Variants in TICRR observed in about 807,000 individuals in gnomAD.
TICRR encodes the protein TOPBP1 interacting checkpoint and replication regulator.
Under a neutral mutation model 178.1 loss-of-function variants are expected in TICRR, and 132 were observed. The ratio of observed to expected loss-of-function variants is 0.74; its 90% CI spans 0.64 to 0.86. The LOEUF (loss-of-function observed/expected upper bound fraction) is 0.86. Among genes scored for constraint, TICRR ranks in the 40% least tolerant of loss-of-function variants. The probability of loss-of-function intolerance (pLI) is 0.00; values close to 1 mark genes in which losing one functional copy is unlikely to be tolerated. For missense variants in TICRR, 2,587 were observed against 2,334.3 expected (o/e 1.11, Z -2.23); for synonymous variants, 991 against 900.7 (o/e 1.10, Z -1.79).
At chr15:89,587,961 G>A (rs1479260200) in intron 4 of TICRR, among the ~76,000 whole-genome samples, 3 of 152,168 alleles carry the variant, frequency 2.0e-5, no homozygotes. Flanking sequence ...ATTAATGCAG[G>A]GGATGGAGAG....
rs371174253 is a variant in TICRR at position 89,599,440 on chromosome 15, A to G, written c.2017A>G (p.Met673Val). 1 of 1,613,362 alleles carries G rather than the reference A, an allele frequency of 6.2e-7. No individual in the cohort carries two copies. Among genetic ancestry groups the G allele is most frequent in the Non-Finnish European group, 8.5e-7 (1 of 1,179,758 alleles). ...TCGAAACATGATCTCAACCGTTAAA[A>G]TGTTCCTAAAATCAAAAGGCACCAA... ...CARNMISTVK[M>V]FLKSKGTKEL... The change falls in exon 8 of 22, where the codon ATG (methionine) becomes GTG (valine). Residue 673 changes from methionine to valine, a missense_variant. By Grantham distance (21) the Met-to-Val change is conservative. Coordinates refer to ENST00000268138, the MANE Select transcript of TICRR (RefSeq NM_152259.4).
intron 4 of TICRR, among the ~76,000 whole-genome samples, chr15:89,588,642 G>C (rs1251477440): frequency 6.6e-6 from 1 of 152,134 alleles, no homozygotes; most frequent in Non-Finnish European, 1.5e-5. Context: ...GTGGTGACCA[G>C]GGGGAGAGAG....
intron 4 of TICRR, among the ~76,000 whole-genome samples, chr15:89,587,804 G>A (rs1245855401): frequency 6.6e-6 from 1 of 152,086 alleles, no homozygotes; most frequent in Non-Finnish European, 1.5e-5. Flanking sequence ...CAGCAAGTGT[G>A]GACAATTTTT....
chr15:89,591,885 G>A lies in TICRR; in HGVS notation c.1412-162G>A, dbSNP rs556110647. Reference sequence around the variant, plus strand: ...AGTAGCATTTTTTATTTACCACATAGGCCTGTAGCAGTTTGTGGTGCCGGA... The same window carrying A: ...AGTAGCATTTTTTATTTACCACATAAGCCTGTAGCAGTTTGTGGTGCCGGA... On this transcript the variant is annotated intron_variant, in intron 4 of 21. Coordinates refer to ENST00000268138, the MANE Select transcript of TICRR (RefSeq NM_152259.4). 6.7e-5 allele frequency: 34 copies of A among 510,890 alleles called. No individual in the cohort carries two copies. In the South Asian group the frequency reaches 1.0e-3, roughly 15 times the overall value. The allele number at this position is 510,890 out of a possible 1,614,324, so 31.6% of individuals were successfully genotyped here.
intron 1 of TICRR, among the ~76,000 whole-genome samples, chr15:89,578,431 A>G (rs1008162681): frequency 4.6e-5 from 7 of 152,210 alleles, no homozygotes; most frequent in African/African-American, 1.7e-4. Context: ...GATGGTAAAC[A>G]TTTGATGGGG....
rs1451794932 is a variant in TICRR at position 89,625,187 on chromosome 15, G to T, written c.4877G>T (p.Cys1626Phe). 1 of 1,613,056 alleles carries T rather than the reference G, an allele frequency of 6.2e-7. No homozygotes were observed. The highest frequency in any genetic ancestry group is 2.2e-5 in the East Asian group (1 of 44,854). ...KPEPTYVSPP[C>F]PRLSHSTPGK... ...GAACCCACCTATGTGTCACCCCCCT[G>T]CCCCCGCCTCTCCCACAGCACACCT... The change falls in exon 20 of 22, where the codon TGC becomes TTC. Residue 1626 changes from cysteine (C) to phenylalanine (F), a missense_variant. Coordinates refer to ENST00000268138, the MANE Select transcript of TICRR (RefSeq NM_152259.4).
intron 7 of TICRR, 35 bp downstream of exon 7, chr15:89,595,646 C>A: frequency 6.6e-7 from 1 of 1,511,910 alleles, no homozygotes; most frequent in South Asian, 1.2e-5. Flanking sequence ...CTCTTTTATA[C>A]CCCGCTTTTT....
At position 89,576,056 on chromosome 15, in the gene TICRR, T is replaced by C; in HGVS notation, c.470T>C (p.Leu157Pro). The C allele has an allele frequency of 6.2e-7, 1 of 1,611,666 alleles. No individual in the cohort carries two copies. The highest frequency in any genetic ancestry group is 1.1e-5 in the South Asian group (1 of 90,936). Residue 157 changes from leucine (L) to proline (P), a missense_variant, in exon 1 of 22, where the codon CTG becomes CCG. Physicochemically the swap from Leu to Pro is moderately conservative, Grantham distance 98. Coordinates refer to ENST00000268138, the MANE Select transcript of TICRR (RefSeq NM_152259.4). ...LGGLVNAVFL[L>P]APCPHSQREL... ...GGCTTGGTGAACGCCGTCTTCCTCC[T>C]GGCCCCCTGTCCGCACTCGCAGAGG...
Position 89,575,888 on chromosome 15 carries a change from A to G in TICRR, c.302A>G (p.His101Arg). ...PGPAPRATHT[H>R]GALMETLLDY... ...CCGGCGCCCAGGGCCACCCACACGC[A>G]CGGCGCCCTGATGGAGACGCTGCTA... Residue 101 changes from histidine to arginine, a missense_variant, in exon 1 of 22, where the codon CAC becomes CGC. Coordinates refer to ENST00000268138, the MANE Select transcript of TICRR (RefSeq NM_152259.4). The G allele has an allele frequency of 6.3e-7, 1 of 1,587,688 alleles. No homozygotes were observed. The highest frequency in any genetic ancestry group is 2.3e-5 in the East Asian group (1 of 43,592).
In TICRR at chr15:89,585,754, T is replaced by TGC. The variant is rs1215461481; in HGVS notation, c.1223_1224insGC (p.Ile409LeufsTer10). On this transcript the variant is annotated frameshift_variant, in exon 4 of 22. Transcript: ENST00000268138. LOFTEE classifies it high-confidence loss of function. ...GAAGGCCGGCCCCCCATCACTGGAG[T>TGC]TATTTCCCCACTCTCTGCCAGTGCT... The TGC allele has an allele frequency of 3.1e-6, 5 of 1,613,962 alleles. No homozygotes were observed. The highest frequency in any genetic ancestry group is 4.2e-6 in the Non-Finnish European group (5 of 1,180,016).
chr15:89,584,461 C>A lies in TICRR; in HGVS notation c.1110C>A (p.Ser370Arg). 21 of 1,610,688 alleles carry A rather than the reference C, an allele frequency of 1.3e-5. No homozygotes were observed. The highest frequency in any genetic ancestry group is 1.6e-5 in the Non-Finnish European group (19 of 1,178,262). Residue 370 changes from serine to arginine, a missense_variant, in exon 3 of 22, where the codon AGC (serine) becomes AGA (arginine). Coordinates refer to ENST00000268138, the MANE Select transcript of TICRR (RefSeq NM_152259.4). ...GGATGCTAGGAAGTCCAGAGGAGAG[C>A]ACAGCAACTCAAAGGCTGTTATTTC... ...DSWMLGSPEE[S>R]TATQRLLFQQ...
chr15:89,617,930 G>C (rs1963361910), intron 16 of TICRR: 1 of 534,210 alleles, frequency 1.9e-6, no homozygotes, highest in African/African-American at 1.9e-5. Flanking sequence ...GACCTCAAGT[G>C]ATCCGCCCGC....
At chr15:89,616,589 C>A in intron 16 of TICRR, 94 bp downstream of exon 16, 1 of 913,832 alleles carries the variant, frequency 1.1e-6, no homozygotes, top group Non-Finnish European at 1.7e-6. Context: ...ACCTTCATGA[C>A]TTAAATCTTA....
At chr15:89,599,228 A>C in intron 7 of TICRR, 96 bp from the exon 8 acceptor site, 1 of 995,770 alleles carries the variant, frequency 1.0e-6, no homozygotes, top group Non-Finnish European at 1.4e-6. Context: ...TGTTCCCTGC[A>C]AGGAAATATT....
At position 89,625,128 on chromosome 15, in the gene TICRR, C is replaced by G. The variant is rs1567053707; in HGVS notation, c.4818C>G (p.Ser1606Arg). The change falls in exon 20 of 22, where the codon AGC (serine) becomes AGG (arginine). Residue 1606 changes from serine (S) to arginine (R), a missense_variant. By Grantham distance (110) the Ser-to-Arg change is moderately radical. Coordinates refer to ENST00000268138, the MANE Select transcript of TICRR (RefSeq NM_152259.4). ...AAGAGAGCTTCCTCCCTGCTCTCAG[C>G]ATGCCCAGGGCCAGCAGGTCCTTAA... ...LGEESFLPALSMPRASRSLSK... is the reference protein window; with the variant it reads ...LGEESFLPALRMPRASRSLSK... 1.2e-6 allele frequency: 2 copies of G among 1,613,930 alleles called. No homozygotes were observed. The highest frequency in any genetic ancestry group is 1.7e-6 in the Non-Finnish European group (2 of 1,179,994).
intron 16 of TICRR, 96 bp downstream of exon 16, chr15:89,616,591 T>A: frequency 3.3e-6 from 3 of 915,460 alleles, no homozygotes; most frequent in Non-Finnish European, 5.2e-6. Context: ...CTTCATGACT[T>A]AAATCTTAAC....
In TICRR at chr15:89,616,437, G is replaced by A. The variant is rs750599348; in HGVS notation, c.2902G>A (p.Glu968Lys). 2.5e-5 allele frequency: 40 copies of A among 1,613,952 alleles called. No individual in the cohort carries two copies. The highest frequency in any genetic ancestry group is 3.2e-5 in the Non-Finnish European group (38 of 1,179,900). Residue 968 changes from glutamate (E) to lysine (K), a missense_variant, in exon 16 of 22, where the codon GAG (glutamate) becomes AAG (lysine). Coordinates refer to ENST00000268138, the MANE Select transcript of TICRR (RefSeq NM_152259.4). ...CAAACTGCTGACTAAGAGTGTGGCC[G>A]AGACTCCAGTGCATAAGCAGATCTC... ...YHKLLTKSVA[E>K]TPVHKQISKR...
At chr15:89,626,320 A>G (rs2141987374) in intron 21 of TICRR, among the ~76,000 whole-genome samples, 1 of 152,310 alleles carries the variant, frequency 6.6e-6, no homozygotes, top group Middle Eastern at 3.4e-3. Flanking sequence ...GGCTTGCCGC[A>G]ACATGCTGCT....
chr15:89,582,961 T>G lies in TICRR; in HGVS notation c.930T>G (p.Val310=). The change falls in exon 2 of 22, where the codon GTT becomes GTG. Residue 310 remains valine, a synonymous_variant. Coordinates refer to ENST00000268138, the MANE Select transcript of TICRR (RefSeq NM_152259.4). ...TGGAAGGAATGTTATTTCTCCCTGT[T>G]GAAGGTAAGCAAATAATATTTTAAG... The part of the protein sequence containing the change: ...PRMEGMLFLP[V]EAGKEIQETW... 2 of 1,606,450 alleles carry G rather than the reference T, an allele frequency of 1.2e-6. No individual in the cohort carries two copies. Among genetic ancestry groups the G allele is most frequent in the South Asian group, 2.2e-5 (2 of 89,746 alleles).
Sources: gnomAD v4.1 joint callset for allele counts (sites outside exome capture counted in the v4.1 genomes callset) on GRCh38, gnomAD v4.1.1 for gene constraint, MANE v1.5 for transcripts, NCBI Gene and HGNC (gene_info 2026-07-23, HGNC 2026-07-21) for gene names.